TMEM135: variants seen among roughly 807,000 people sequenced by gnomAD.
TMEM135 encodes the protein peroxisomal membrane protein 52.
TMEM135 carries 30 observed loss-of-function variants against 60.3 expected under a neutral mutation model. The observed-to-expected ratio is 0.50, with a 90% CI of 0.37 to 0.68. The LOEUF (loss-of-function observed/expected upper bound fraction) is 0.68. TMEM135 is among the 30% of genes least tolerant of loss of function. The probability of loss-of-function intolerance (pLI) is 0.00; values close to 1 mark genes in which losing one functional copy is unlikely to be tolerated. For missense variants in TMEM135, 468 were observed against 548.8 expected, an observed-to-expected ratio of 0.85 and a Z score of 1.47; for synonymous variants, 190 against 186.7, an observed-to-expected ratio of 1.02 and a Z score of -0.14.
chr11:87,075,888 GTC>G (rs34170606), intron 3 of TMEM135, among the ~76,000 whole-genome samples: 21,300 of 150,724 alleles, frequency 0.14, 1,566 homozygotes, highest in Non-Finnish European at 0.16. Flanking sequence ...AATAAACAGG[GTC>G]TCTCTCTCTC....
chr11:87,083,140 C>T (rs568466749), intron 3 of TMEM135, among the ~76,000 whole-genome samples: 39 of 152,056 alleles, frequency 2.6e-4, no homozygotes, highest in Non-Finnish European at 4.7e-4. Flanking sequence ...TTTCTGACAC[C>T]CAGTAAGAGG....
Position 87,169,710 on chromosome 11 carries a change from C to T in TMEM135, c.462+12304C>T, listed in dbSNP as rs557668819. Among the ~76,000 whole-genome samples the T allele has an allele frequency of 5.3e-5, 8 of 152,228 alleles. No individual in the cohort carries two copies. The South Asian group carries it at 1.2e-3, about 24-fold the overall frequency. ...GACTTCCCGTTGTGGGTAACCTGAC[C>T]TTTCTCTCTGGCTGCCCTTAACATA... is the stretch of plus-strand genomic sequence containing the variant. On this transcript the variant is annotated intron_variant, in intron 5 of 14. Transcript: ENST00000305494.
chr11:87,130,119 TTTA>T lies in TMEM135; in HGVS notation c.397-27221_397-27219del, dbSNP rs201017939. On this transcript the variant is annotated intron_variant, in intron 4 of 14. Transcript: ENST00000305494. Reference sequence around the variant, plus strand: ...AGGTGACTTGCAGTATAAGTACATTTTTAAAAAAAAAAAATTATAAGGAGTCTT... The same window carrying T: ...AGGTGACTTGCAGTATAAGTACATTTAAAAAAAAAAATTATAAGGAGTCTT... Among the ~76,000 whole-genome samples the T allele has an allele frequency of 3.0e-3, 361 of 118,888 alleles. 3 individuals carry two copies. In the East Asian group the frequency reaches 0.046, roughly 15 times the overall value. The allele number at this position is 118,888 out of a possible 152,430, so 78.0% of individuals were successfully genotyped here.
chr11:87,099,959 G>T (rs545013312), intron 4 of TMEM135, among the ~76,000 whole-genome samples: 4 of 152,150 alleles, frequency 2.6e-5, no homozygotes, highest in Non-Finnish European at 1.5e-5. Flanking sequence ...GGGATTACAG[G>T]TGTGAGCCAC....
intron 3 of TMEM135, among the ~76,000 whole-genome samples, chr11:87,072,147 T>C (rs1856784055): frequency 6.6e-6 from 1 of 152,170 alleles, no homozygotes; most frequent in Admixed American, 6.5e-5. Flanking sequence ...TGAGCCGTGA[T>C]CATGCCACCA....
intron 3 of TMEM135, among the ~76,000 whole-genome samples, chr11:87,074,210 C>G (rs900707466): frequency 2.0e-5 from 3 of 152,226 alleles, no homozygotes; most frequent in African/African-American, 7.2e-5. Flanking sequence ...AGGTGATCAG[C>G]CTGCCTCAGC....
chr11:87,292,938 T>C (rs536486345), intron 6 of TMEM135, among the ~76,000 whole-genome samples: 8 of 152,348 alleles, frequency 5.3e-5, no homozygotes, highest in South Asian at 4.1e-4. Context: ...GTCACAAATA[T>C]GCAATTCTGA....
Position 87,323,767 on chromosome 11 carries a change from C to T in TMEM135, c.*2434C>T, listed in dbSNP as rs1313340521. 1 of 453,770 alleles carries T rather than the reference C, an allele frequency of 2.2e-6. No individual in the cohort carries two copies. The highest frequency in any genetic ancestry group is 4.4e-6 in the Non-Finnish European group (1 of 226,722). The allele number at this position is 453,770 out of a possible 1,614,324, so 28.1% of individuals were successfully genotyped here. A position where few individuals can be genotyped will look rare whatever the true frequency, so the allele number is the denominator to read the frequency against. On this transcript the variant is annotated 3_prime_UTR_variant, in exon 15 of 15. Transcript: ENST00000305494. ...TTGAGTTTGCAAGATAACAGATTGT[C>T]TCAAATCTATTCAATTCTCAGCAGT...
chr11:87,047,606 C>T (rs796204451), intron 1 of TMEM135, among the ~76,000 whole-genome samples: 4 of 120,778 alleles, frequency 3.3e-5, no homozygotes, highest in African/African-American at 1.4e-4. Context: ...GCTTTTCAGA[C>T]CGGCTTAAAA....
intron 6 of TMEM135, among the ~76,000 whole-genome samples, chr11:87,276,254 C>T (rs1201010788): frequency 6.6e-6 from 1 of 152,080 alleles, no homozygotes; most frequent in African/African-American, 2.4e-5. Context: ...TTCTCTGTTT[C>T]AGACTGTATA....
rs935158959 is a variant in TMEM135, at chr11:87,202,883, A to G, written c.463-33755A>G. ...CCGTCTCTACTAAAAATACAAAAAA[A>G]TTAGCTGGGCGTGGTGGCTGGCGCC... On this transcript the variant is annotated intron_variant, in intron 5 of 14. Coordinates refer to ENST00000305494, the MANE Select transcript of TMEM135 (RefSeq NM_022918.4). Among the ~76,000 whole-genome samples the G allele has an allele frequency of 2.6e-5, 4 of 151,788 alleles. No individual in the cohort carries two copies. In the East Asian group the frequency reaches 7.8e-4, roughly 30 times the overall value.
intron 5 of TMEM135, among the ~76,000 whole-genome samples, chr11:87,174,160 C>A (rs1467108310): frequency 6.6e-6 from 1 of 152,046 alleles, no homozygotes; most frequent in East Asian, 1.9e-4. Context: ...GAGACACTGG[C>A]CTTCTAGAAA....
intron 5 of TMEM135, among the ~76,000 whole-genome samples, chr11:87,200,198 T>A (rs1459381033): frequency 6.6e-6 from 1 of 152,152 alleles, no homozygotes; most frequent in African/African-American, 2.4e-5. Flanking sequence ...TTAATTTTAA[T>A]AGGAAATAGC....
At chr11:87,085,260 G>A (rs1393003631) in intron 3 of TMEM135, among the ~76,000 whole-genome samples, 1 of 152,138 alleles carries the variant, frequency 6.6e-6, no homozygotes, top group Admixed American at 6.5e-5. Context: ...TTCTCTCCGG[G>A]TCTGAATTCA....
At chr11:87,305,725 G>T (rs1241193771) in intron 8 of TMEM135, among the ~76,000 whole-genome samples, 1 of 151,978 alleles carries the variant, frequency 6.6e-6, no homozygotes, top group Non-Finnish European at 1.5e-5. Flanking sequence ...AGTGAGTTGA[G>T]ATCACGCCCA....
intron 6 of TMEM135, among the ~76,000 whole-genome samples, chr11:87,249,917 A>C (rs1941376215): frequency 6.6e-6 from 1 of 152,064 alleles, no homozygotes; most frequent in Non-Finnish European, 1.5e-5. Flanking sequence ...TTCTGCAGTG[A>C]AACTATCAGG....
chr11:87,153,966 T>A (rs1223263855), intron 4 of TMEM135, among the ~76,000 whole-genome samples: 1 of 152,192 alleles, frequency 6.6e-6, no homozygotes, highest in Non-Finnish European at 1.5e-5. Flanking sequence ...CTATTTTTTT[T>A]AATTGTGGTA....
At chr11:87,131,206 CTTA>C (rs1937918710) in intron 4 of TMEM135, among the ~76,000 whole-genome samples, 1 of 151,938 alleles carries the variant, frequency 6.6e-6, no homozygotes, top group Admixed American at 6.5e-5. Flanking sequence ...ATATTGATGC[CTTA>C]TTATTAATTG....
At chr11:87,294,245 T>C (rs890159737) in intron 6 of TMEM135, among the ~76,000 whole-genome samples, 5 of 152,242 alleles carry the variant, frequency 3.3e-5, no homozygotes, top group South Asian at 2.1e-4. Context: ...GATTAACTTA[T>C]TTTCTCAGAT....
Sources: allele counts gnomAD v4.1 joint callset (sites outside exome capture counted in the v4.1 genomes callset), GRCh38; gene constraint gnomAD v4.1.1; transcripts MANE v1.5; gene names NCBI Gene and HGNC (gene_info 2026-07-23, HGNC 2026-07-21).